The following EHBP1 variants were observed in gnomAD, a reference collection of about 807,000 sequenced individuals.
EHBP1 encodes the protein EH domain-binding protein 1.
A neutral mutation model predicts 144.0 loss-of-function variants in EHBP1; 55 were observed. The ratio of observed to expected loss-of-function variants is 0.38; its 90% confidence interval spans 0.31 to 0.48. EHBP1 has a LOEUF of 0.48. Among genes scored for constraint, EHBP1 ranks in the 20% least tolerant of loss-of-function variants. EHBP1 has a pLI of 0.98. For synonymous variants in EHBP1, 469 were observed against 472.7 expected, an observed-to-expected ratio of 0.99 and a Z score of 0.10; for missense variants, 1,200 against 1,364.2, an observed-to-expected ratio of 0.88 and a Z score of 1.90.
chr2:62,773,646 C>T (rs1270976752), intron 5 of EHBP1, among the ~76,000 whole-genome samples: 1 of 150,916 alleles, frequency 6.6e-6, no homozygotes, highest in Non-Finnish European at 1.5e-5. Flanking sequence ...GTCGGGAGTT[C>T]GAGCCCAGTC....
intron 5 of EHBP1, among the ~76,000 whole-genome samples, chr2:62,808,831 T>A (rs2044714466): frequency 6.6e-6 from 1 of 152,170 alleles, no homozygotes; most frequent in African/African-American, 2.4e-5. Flanking sequence ...GCCTCTGTGT[T>A]ATGAACTTCG....
intron 7 of EHBP1, among the ~76,000 whole-genome samples, chr2:62,833,502 C>A (rs970997723): frequency 2.0e-5 from 3 of 152,224 alleles, no homozygotes; most frequent in Non-Finnish European, 4.4e-5. Flanking sequence ...GACAAGTTAA[C>A]TCTCTTGTTA....
chr2:62,995,579 CAGA>C (rs1293479555), intron 18 of EHBP1, among the ~76,000 whole-genome samples: 4 of 151,970 alleles, frequency 2.6e-5, no homozygotes, highest in South Asian at 4.1e-4. Flanking sequence ...AGGGATTTTA[CAGA>C]AGAAGTTTGT....
chr2:62,749,692 G>A (rs1324091384), intron 3 of EHBP1, among the ~76,000 whole-genome samples: 3 of 152,142 alleles, frequency 2.0e-5, no homozygotes, highest in African/African-American at 4.8e-5. Context: ...GTGTGAGATG[G>A]TATCTCATTG....
Position 62,733,662 on chromosome 2 carries a change from T to C in EHBP1, c.105-13733T>C, listed in dbSNP as rs912872457. Among the ~76,000 whole-genome samples the C allele has an allele frequency of 2.6e-5, 4 of 152,334 alleles. No individual in the cohort carries two copies. The East Asian group carries it at 7.7e-4, about 29-fold the overall frequency. ...TTGAGGGTAGGCCTTATTAAGAGGCTTGGGAAAGTATTTCAAAGTGGCTAC... is the reference window on the plus strand; with the variant it reads ...TTGAGGGTAGGCCTTATTAAGAGGCCTGGGAAAGTATTTCAAAGTGGCTAC... On this transcript the variant is annotated intron_variant, in intron 2 of 22. Coordinates refer to ENST00000431489, the MANE Select transcript of EHBP1 (RefSeq NM_001142616.3).
chr2:62,868,043 A>T (rs546296768), intron 9 of EHBP1, among the ~76,000 whole-genome samples: 34 of 152,196 alleles, frequency 2.2e-4, no homozygotes, highest in Non-Finnish European at 4.3e-4. Flanking sequence ...TAAAACATTT[A>T]TCTAAAAATA....
upstream of EHBP1, among the ~76,000 whole-genome samples, chr2:62,701,291 A>AATATT (rs1033943524): frequency 6.6e-6 from 1 of 152,206 alleles, no homozygotes; most frequent in African/African-American, 2.4e-5. Flanking sequence ...ATATAGCCAA[A>AATATT]ATATTATTTC....
chr2:62,983,872 A>T (rs988376741), intron 15 of EHBP1, among the ~76,000 whole-genome samples: 3 of 152,162 alleles, frequency 2.0e-5, no homozygotes, highest in African/African-American at 7.2e-5. Context: ...ACAAAGTAGT[A>T]TATTTTGTTT....
intron 10 of EHBP1, among the ~76,000 whole-genome samples, chr2:62,893,266 A>G (rs956368144): frequency 4.6e-5 from 7 of 152,326 alleles, no homozygotes; most frequent in Admixed American, 2.0e-4. Flanking sequence ...TAAACTTTCT[A>G]TCATATATCA....
intron 7 of EHBP1, chr2:62,858,644 T>A: frequency 1.6e-6 from 1 of 617,416 alleles, no homozygotes; most frequent in Non-Finnish European, 2.9e-6. Context: ...TCTTTGGTAA[T>A]TTGTAGTGCA....
At chr2:62,737,522 T>C (rs973071000) in intron 2 of EHBP1, among the ~76,000 whole-genome samples, 4 of 152,198 alleles carry the variant, frequency 2.6e-5, no homozygotes, top group African/African-American at 9.7e-5. Context: ...CCTGCTAATC[T>C]CTCTAAATTT....
chr2:62,884,695 TA>T (rs1361120790), intron 10 of EHBP1, among the ~76,000 whole-genome samples: 1 of 152,130 alleles, frequency 6.6e-6, no homozygotes, highest in African/African-American at 2.4e-5. Flanking sequence ...TGACAATAAT[TA>T]AAAAATGATA....
chr2:62,710,015 CTTATGTCAT>C (rs931478568), intron 2 of EHBP1, among the ~76,000 whole-genome samples: 7 of 151,958 alleles, frequency 4.6e-5, no homozygotes, highest in Admixed American at 2.0e-4. Context: ...TCTTGTTGTC[CTTATGTCAT>C]TTAATTATTA....
intron 14 of EHBP1, among the ~76,000 whole-genome samples, chr2:62,972,860 C>T (rs1401419834): frequency 1.3e-5 from 2 of 152,158 alleles, no homozygotes; most frequent in Non-Finnish European, 1.5e-5. Context: ...GTTAATGAGG[C>T]TAAATCTTGC....
Position 62,767,038 on chromosome 2 carries a change from G to A in EHBP1, c.258+2677G>A, listed in dbSNP as rs1056205903. ...TCTCAGGTTTCTAAGGTATTTCTGG[G>A]GTTAATGAGGGAGAGGTAAGAGGAA... On this transcript the variant is annotated intron_variant, in intron 4 of 22. Transcript: ENST00000431489. 2.6e-4 allele frequency among the ~76,000 whole-genome samples: 39 copies of A among 151,596 alleles called. 2 individuals carry two copies. The highest frequency in any genetic ancestry group is 2.4e-4 in the Non-Finnish European group (16 of 67,948).
intron 10 of EHBP1, among the ~76,000 whole-genome samples, chr2:62,895,119 A>G (rs982004479): frequency 5.3e-5 from 8 of 152,152 alleles, no homozygotes; most frequent in South Asian, 4.1e-4. Context: ...AGGAACAGAT[A>G]ACTAGTGGTT....
At chr2:62,740,191 A>G (rs1053672091) in intron 2 of EHBP1, among the ~76,000 whole-genome samples, 1 of 152,184 alleles carries the variant, frequency 6.6e-6, no homozygotes, top group South Asian at 2.1e-4. Context: ...AAATATTTTT[A>G]AACAATAGAA....
At chr2:62,947,473 C>T (rs1025278472) in intron 12 of EHBP1, among the ~76,000 whole-genome samples, 1 of 152,090 alleles carries the variant, frequency 6.6e-6, no homozygotes, top group Non-Finnish European at 1.5e-5. Context: ...TATATCTAGA[C>T]GGTTCTTACT....
At chr2:63,028,617 G>A (rs958570941) in intron 19 of EHBP1, among the ~76,000 whole-genome samples, 3 of 152,246 alleles carry the variant, frequency 2.0e-5, no homozygotes, top group African/African-American at 7.2e-5. Flanking sequence ...TACAAGAGTA[G>A]TTGTCCGACT....
Sources: allele counts gnomAD v4.1 joint callset (sites outside exome capture counted in the v4.1 genomes callset), GRCh38; gene constraint gnomAD v4.1.1; transcripts MANE v1.5; gene names NCBI Gene and HGNC (gene_info 2026-07-23, HGNC 2026-07-21).